Variants in MYO18B observed in about 807,000 individuals in gnomAD.
MYO18B encodes myosin XVIIIB, also known as unconventional myosin-XVIIIb.
In MYO18B, 204 loss-of-function variants were observed where a neutral mutation model predicts 273.0. The observed-to-expected ratio is 0.75, with a 90% CI of 0.67 to 0.84. The LOEUF (loss-of-function observed/expected upper bound fraction) is 0.84, where lower values mean the gene tolerates loss of function less well. Ranked by LOEUF, MYO18B falls within the 40% of genes least tolerant of loss-of-function variation. The pLI, the probability that MYO18B is intolerant of heterozygous loss-of-function variation, is 0.00. For synonymous variants in MYO18B, 1,330 were observed against 1,305.7 expected, an observed-to-expected ratio of 1.02 and a Z score of -0.40; for missense variants, 3,212 against 3,287.6, an observed-to-expected ratio of 0.98 and a Z score of 0.56.
intron 31 of MYO18B, among the ~76,000 whole-genome samples, chr22:25,906,925 G>T (rs1027123186): frequency 6.6e-6 from 1 of 152,150 alleles, no homozygotes; most frequent in Non-Finnish European, 1.5e-5. Context: ...CTTGACCTGT[G>T]GGAATTATGG....
Position 26,027,128 on chromosome 22 carries a change from G to A in MYO18B, c.7154G>A (p.Arg2385Gln), listed in dbSNP as rs982421225. 4 of 1,613,840 alleles carry A rather than the reference G, an allele frequency of 2.5e-6. No individual in the cohort carries two copies. The highest frequency in any genetic ancestry group is 1.7e-5 in the Admixed American group (1 of 60,002). ...LLSPTLRPRR[R>Q]CLESSVDDAG... ...TCGCCCACACTGCGTCCTCGGAGGC[G>A]GTGTCTGGAGTCCTCTGTGGACGAT... Residue 2385 changes from arginine (R) to glutamine (Q), a missense_variant, in exon 43 of 44, where the codon CGG becomes CAG. Coordinates refer to ENST00000335473, the MANE Select transcript of MYO18B (RefSeq NM_032608.7). This position sits in a 1 kb window ranked among gnomAD's most constrained non-coding sequence, Gnocchi z 4.1.
At chr22:25,950,634 C>T (rs140638081) in intron 37 of MYO18B, among the ~76,000 whole-genome samples, 184 bp downstream of exon 37, 1,906 of 152,044 alleles carry the variant, frequency 0.013, 38 homozygotes, top group African/African-American at 0.042. Context: ...TGAAGTGGCG[C>T]GATCTTGGCT....
At chr22:26,050,363 T>C in the MYO18B span, among the ~76,000 whole-genome samples, 640 of 152,326 alleles carry the variant, frequency 4.2e-3, 4 homozygotes, top group African/African-American at 0.014. Context: ...GGAATTTCGA[T>C]ATACAGACTG....
intron 1 of MYO18B, among the ~76,000 whole-genome samples, chr22:25,749,340 G>A (rs970376867): frequency 6.6e-6 from 1 of 152,226 alleles, no homozygotes; most frequent in African/African-American, 2.4e-5. Flanking sequence ...CCTTGGGGCT[G>A]TATGGGACAA....
At chr22:26,038,451 T>C in the MYO18B span, among the ~76,000 whole-genome samples, 1 of 152,170 alleles carries the variant, frequency 6.6e-6, no homozygotes, top group Non-Finnish European at 1.5e-5. Context: ...CTTGGTATCA[T>C]AACTCCTGGA....
intron 34 of MYO18B, among the ~76,000 whole-genome samples, chr22:25,941,153 A>G (rs940375659): frequency 1.3e-5 from 2 of 151,632 alleles, no homozygotes; most frequent in African/African-American, 4.8e-5. Flanking sequence ...AACTTAAACT[A>G]AAATCAAATC....
chr22:26,029,319 G>A (rs11912784), intron 43 of MYO18B, among the ~76,000 whole-genome samples: 2,922 of 152,184 alleles, frequency 0.019, 95 homozygotes, highest in African/African-American at 0.066. Context: ...TGAGGCACAC[G>A]TCCTCTATTT....
At chr22:25,759,921 A>T (rs1276036351) in intron 1 of MYO18B, among the ~76,000 whole-genome samples, 44 of 152,174 alleles carry the variant, frequency 2.9e-4, no homozygotes, top group Admixed American at 2.9e-3. Flanking sequence ...TTACTTCCTC[A>T]AACTTGTTTC....
rs768617981 is a variant in MYO18B at position 25,874,311 on chromosome 22, C to A, written c.3977C>A (p.Ser1326Tyr). The A allele has an allele frequency of 1.6e-5, 26 of 1,613,792 alleles. No homozygotes were observed. The East Asian group carries it at 5.3e-4, about 33-fold the overall frequency. ...GTTTTTCTCAAGGCAGGTGTGATCTCCAGGCTTGAGAAGCAGCGAGAGAAG... is the reference window on the plus strand; with the variant it reads ...GTTTTTCTCAAGGCAGGTGTGATCTACAGGCTTGAGAAGCAGCGAGAGAAG... ...SQVFLKAGVI[S>Y]RLEKQREKLV... Residue 1326 changes from serine (S) to tyrosine (Y), a missense_variant, in exon 23 of 44, where the codon TCC becomes TAC. Coordinates refer to ENST00000335473, the MANE Select transcript of MYO18B (RefSeq NM_032608.7).
intron 3 of MYO18B, 122 bp from the exon 4 acceptor site, chr22:25,767,993 G>A: frequency 2.1e-6 from 2 of 970,408 alleles, no homozygotes; most frequent in South Asian, 1.6e-5. Flanking sequence ...GGAGGTGCTC[G>A]AGCATCTGTG....
intron 42 of MYO18B, among the ~76,000 whole-genome samples, chr22:26,018,569 T>G (rs1463273915): frequency 2.0e-5 from 3 of 152,230 alleles, no homozygotes; most frequent in African/African-American, 4.8e-5. Context: ...AGGAATCTTC[T>G]GCTTTTGCTT....
chr22:25,749,822 A>G (rs768668722), intron 1 of MYO18B, among the ~76,000 whole-genome samples: 2 of 152,178 alleles, frequency 1.3e-5, no homozygotes, highest in Non-Finnish European at 2.9e-5. Flanking sequence ...GGAGTTTAGG[A>G]AAAAAACTGT....
intron 14 of MYO18B, among the ~76,000 whole-genome samples, chr22:25,827,202 T>C (rs2089526950): frequency 6.6e-6 from 1 of 152,184 alleles, no homozygotes. Flanking sequence ...AATACTCACA[T>C]GGGCCCATTG....
At position 25,781,714 on chromosome 22, in the gene MYO18B, C is replaced by G; in HGVS notation, c.2212-20C>G. 6.7e-7 allele frequency: 1 copy of G among 1,492,234 alleles called. No homozygotes were observed. The highest frequency in any genetic ancestry group is 8.9e-7 in the Non-Finnish European group (1 of 1,119,764). 92.4% of individuals were successfully genotyped at this position (1,492,234 alleles called of 1,614,324 possible). On this transcript the variant is annotated intron_variant, in intron 9 of 43. Transcript: ENST00000335473. ...ATGTACCCAAAGCACTGACTGGGTG[C>G]CCCTCTTCTCTCCCTGCAGACAATG...
chr22:26,003,368 GT>G (rs1193465242), intron 41 of MYO18B, 59 bp downstream of exon 41: 2 of 1,488,330 alleles, frequency 1.3e-6, no homozygotes, highest in Admixed American at 3.8e-5. Context: ...GGCTCTCTCT[GT>G]CCAGTTTGCA....
chr22:25,853,143 C>T (rs1329117429), intron 21 of MYO18B, among the ~76,000 whole-genome samples: 1 of 152,200 alleles, frequency 6.6e-6, no homozygotes, highest in African/African-American at 2.4e-5. Flanking sequence ...ACATCAGCAG[C>T]AGCACCATCA....
chr22:25,922,349 C>T (rs935909570), intron 34 of MYO18B, among the ~76,000 whole-genome samples: 7 of 152,044 alleles, frequency 4.6e-5, no homozygotes, highest in African/African-American at 1.4e-4. Context: ...TGGGCGGTTG[C>T]GGTGGCAGAC....
chr22:25,804,991 T>C (rs955396049), intron 12 of MYO18B, among the ~76,000 whole-genome samples: 5 of 152,202 alleles, frequency 3.3e-5, no homozygotes, highest in African/African-American at 1.2e-4. Context: ...CCCATGGCTG[T>C]GATGGGCAAG....
intron 12 of MYO18B, among the ~76,000 whole-genome samples, chr22:25,800,367 T>C (rs1202840002): frequency 1.3e-5 from 2 of 152,240 alleles, no homozygotes; most frequent in Non-Finnish European, 2.9e-5. Flanking sequence ...GCTTGGCTGT[T>C]TGGGCATCAC....
Sources: allele counts gnomAD v4.1 joint callset (sites outside exome capture counted in the v4.1 genomes callset), GRCh38; gene constraint gnomAD v4.1.1; non-coding constraint Gnocchi (gnomAD v3.1); transcripts MANE v1.5; gene names NCBI Gene and HGNC (gene_info 2026-07-23, HGNC 2026-07-21).